Variants in PTPRD observed in about 807,000 individuals in gnomAD.
The protein encoded by PTPRD is protein tyrosine phosphatase receptor type D, also known as receptor-type tyrosine-protein phosphatase delta.
A neutral mutation model predicts 214.5 loss-of-function variants in PTPRD; 34 were observed. That is an observed-to-expected ratio of 0.16 (90% CI 0.12 to 0.21). The LOEUF (loss-of-function observed/expected upper bound fraction) is 0.21, where lower values mean the gene tolerates loss of function less well. Among genes scored for constraint, PTPRD ranks in the 10% least tolerant of loss-of-function variants. The pLI is 1.00. For missense variants in PTPRD, 2,545 were observed against 2,398.7 expected (o/e 1.06, Z -1.27); for synonymous variants, 1,128 against 845.7 (o/e 1.33, Z -5.79).
At chr9:8,722,405 A>C (rs2154421219) in intron 12 of PTPRD, among the ~76,000 whole-genome samples, 1 of 152,264 alleles carries the variant, frequency 6.6e-6, no homozygotes. Context: ...AAAACATTTA[A>C]GTTATGGTTT....
intron 8 of PTPRD, among the ~76,000 whole-genome samples, chr9:9,478,443 T>C (rs2095223370): frequency 6.6e-6 from 1 of 152,182 alleles, no homozygotes; most frequent in African/African-American, 2.4e-5. Flanking sequence ...TGAGGCATAG[T>C]GCTAAGTACT....
chr9:9,430,056 A>T (rs2082489010), intron 8 of PTPRD, among the ~76,000 whole-genome samples: 1 of 152,204 alleles, frequency 6.6e-6, no homozygotes, highest in East Asian at 1.9e-4. Context: ...GGCCAGGGCA[A>T]TCAGGCAGGA....
At chr9:9,334,397 T>G (rs2043590019) in intron 9 of PTPRD, among the ~76,000 whole-genome samples, 1 of 152,030 alleles carries the variant, frequency 6.6e-6, no homozygotes, top group Non-Finnish European at 1.5e-5. Context: ...CTAAAAGTTC[T>G]AGTTTAATGT....
At chr9:8,771,487 T>C (rs370992754) in intron 11 of PTPRD, among the ~76,000 whole-genome samples, 2 of 152,190 alleles carry the variant, frequency 1.3e-5, no homozygotes, top group East Asian at 1.9e-4. Context: ...AGGTGACAAG[T>C]CTAAGTCAGT....
At chr9:9,020,979 C>A (rs952054797) in intron 10 of PTPRD, among the ~76,000 whole-genome samples, 1 of 152,084 alleles carries the variant, frequency 6.6e-6, no homozygotes, top group Non-Finnish European at 1.5e-5. Flanking sequence ...ACTTTCTAAT[C>A]CTTACGTTTG....
At chr9:8,593,971 A>G (rs1024444652) in intron 14 of PTPRD, among the ~76,000 whole-genome samples, 6 of 152,216 alleles carry the variant, frequency 3.9e-5, no homozygotes, top group Non-Finnish European at 5.9e-5. Context: ...CATATCTCAT[A>G]TATTCACATA....
In PTPRD at chr9:9,826,516, G is replaced by C. The variant is rs140150519; in HGVS notation, c.-367-59665C>G. ...AATCCAGAGACAGTACCATTATAAA[G>C]TAATTTATCAAAAAATAGAGACTTT... On this transcript the variant is annotated intron_variant, in intron 5 of 45. Coordinates refer to ENST00000381196, the MANE Select transcript of PTPRD (RefSeq NM_002839.4). Among the ~76,000 whole-genome samples, 1,340 of 151,910 alleles carry C rather than the reference G, an allele frequency of 8.8e-3. 16 individuals are homozygous for C. The highest frequency in any genetic ancestry group is 0.025 in the African/African-American group (1,025 of 41,480).
chr9:8,848,234 C>T (rs1269215877), intron 11 of PTPRD, among the ~76,000 whole-genome samples: 3 of 150,736 alleles, frequency 2.0e-5, no homozygotes, highest in African/African-American at 7.3e-5. Flanking sequence ...TGCCTCCAGT[C>T]CCAAGCAGAG....
intron 7 of PTPRD, among the ~76,000 whole-genome samples, chr9:9,604,348 TAAGC>T (rs1327503765): frequency 6.6e-6 from 1 of 152,136 alleles, no homozygotes; most frequent in Non-Finnish European, 1.5e-5. Context: ...ATATTCAACT[TAAGC>T]AAGGGTATAA....
At chr9:10,135,396 A>G (rs191860407) in intron 3 of PTPRD, among the ~76,000 whole-genome samples, 30 of 152,196 alleles carry the variant, frequency 2.0e-4, no homozygotes, top group African/African-American at 7.0e-4. Context: ...GAGACACTAT[A>G]TAAGATGGCC....
intron 9 of PTPRD, among the ~76,000 whole-genome samples, chr9:9,377,810 C>T (rs1466875897): frequency 1.3e-5 from 2 of 151,964 alleles, no homozygotes; most frequent in Non-Finnish European, 2.9e-5. Context: ...AGTTGAGACA[C>T]GGCAGGGTCA....
At chr9:8,319,706 T>C in intron 45 of PTPRD, 125 bp downstream of exon 45, 1 of 1,200,006 alleles carries the variant, frequency 8.3e-7, no homozygotes, top group South Asian at 1.4e-5. Context: ...TTCAAAATTA[T>C]TAAACAGTTT....
At chr9:8,508,773 A>G (rs2097594172) in intron 21 of PTPRD, among the ~76,000 whole-genome samples, 1 of 152,118 alleles carries the variant, frequency 6.6e-6, no homozygotes, top group Admixed American at 6.6e-5. Flanking sequence ...TCTGTGTACT[A>G]TGGCTTTAAA....
intron 35 of PTPRD, among the ~76,000 whole-genome samples, chr9:8,432,852 T>C (rs1246467738): frequency 1.3e-5 from 2 of 152,156 alleles, no homozygotes; most frequent in Non-Finnish European, 2.9e-5. Context: ...TGAACATCAG[T>C]GAAGAGTCTA....
chr9:9,321,596 T>G (rs1595747759), intron 9 of PTPRD, among the ~76,000 whole-genome samples: 1 of 150,642 alleles, frequency 6.6e-6, no homozygotes, highest in South Asian at 2.1e-4. Context: ...ATGCCATGTA[T>G]GCATATCTGA....
At chr9:9,983,990 A>G (rs80330758) in intron 4 of PTPRD, among the ~76,000 whole-genome samples, 1 of 152,268 alleles carries the variant, frequency 6.6e-6, no homozygotes, top group East Asian at 1.9e-4. Context: ...TCAACCTGTA[A>G]TTGAAGATCA....
chr9:8,761,465 T>C (rs1290500887), intron 11 of PTPRD, among the ~76,000 whole-genome samples: 2 of 152,234 alleles, frequency 1.3e-5, no homozygotes, highest in East Asian at 1.9e-4. Context: ...CTGTTTATAA[T>C]GACCATGGAT....
At chr9:9,324,988 G>C (rs1343472366) in intron 9 of PTPRD, among the ~76,000 whole-genome samples, 2 of 152,174 alleles carry the variant, frequency 1.3e-5, no homozygotes, top group African/African-American at 4.8e-5. Context: ...GTTTGTTAAA[G>C]ATCAGATGGT....
chr9:9,817,139 G>C (rs1179774692), intron 5 of PTPRD, among the ~76,000 whole-genome samples: 1 of 152,080 alleles, frequency 6.6e-6, no homozygotes, highest in Non-Finnish European at 1.5e-5. Context: ...AATGAATCAT[G>C]AGGGAGACAA....
Sources: allele counts gnomAD v4.1 joint callset (sites outside exome capture counted in the v4.1 genomes callset), GRCh38; gene constraint gnomAD v4.1.1; transcripts MANE v1.5; gene names NCBI Gene and HGNC (gene_info 2026-07-23, HGNC 2026-07-21).